Variants in KIT observed in about 807,000 individuals in gnomAD.
The protein encoded by KIT is mast/stem cell growth factor receptor Kit.
A neutral mutation model predicts 105.7 loss-of-function variants in KIT; 16 were observed. The ratio of observed to expected loss-of-function variants is 0.15; its 90% CI spans 0.10 to 0.23. The LOEUF (loss-of-function observed/expected upper bound fraction) is 0.23. KIT is among the 10% of genes least tolerant of loss of function. The pLI, the probability that KIT is intolerant of heterozygous loss-of-function variation, is 1.00. For synonymous variants in KIT, 438 were observed against 441.1 expected (o/e 0.99, Z 0.09); for missense variants, 858 against 1,213.8 (o/e 0.71, Z 4.36).
At chr4:54,677,337 G>T (rs1348358066) in intron 1 of KIT, among the ~76,000 whole-genome samples, 2 of 151,884 alleles carry the variant, frequency 1.3e-5, no homozygotes, top group Non-Finnish European at 2.9e-5. Context: ...CAGGTCCCTG[G>T]CACTGTGGCA....
At chr4:54,731,184 C>T in intron 14 of KIT, 144 bp from the exon 15 acceptor site, 1 of 704,560 alleles carries the variant, frequency 1.4e-6, no homozygotes, top group East Asian at 2.7e-5. Context: ...GATTTTCAAA[C>T]TCTTTATTCA....
intron 7 of KIT, among the ~76,000 whole-genome samples, chr4:54,718,091 T>TTTTTG (rs953523765): frequency 1.3e-5 from 2 of 152,134 alleles, no homozygotes; most frequent in Non-Finnish European, 2.9e-5. Flanking sequence ...CTGTAGCCTG[T>TTTTTG]TTTTGTTTTG....
chr4:54,709,341 G>T, intron 6 of KIT, 83 bp from the exon 7 acceptor site: 1 of 881,516 alleles, frequency 1.1e-6, no homozygotes, highest in East Asian at 2.4e-5. Flanking sequence ...AACAGGCATA[G>T]ATTTCCAGGT....
At chr4:54,685,271 A>G (rs1380356174) in intron 1 of KIT, among the ~76,000 whole-genome samples, 1 of 151,850 alleles carries the variant, frequency 6.6e-6, no homozygotes, top group Non-Finnish European at 1.5e-5. Flanking sequence ...GATATACCCC[A>G]CCTCCTGCCT....
chr4:54,682,682 G>A (rs1719023489), intron 1 of KIT, among the ~76,000 whole-genome samples: 1 of 151,406 alleles, frequency 6.6e-6, no homozygotes, highest in South Asian at 2.1e-4. Context: ...CATCTGCCTC[G>A]GCCTCCCAAA....
intron 19 of KIT, 93 bp from the exon 20 acceptor site, chr4:54,737,079 AGCC>A: frequency 1.2e-6 from 1 of 816,936 alleles, no homozygotes; most frequent in Non-Finnish European, 2.2e-6. Context: ...CCAGTTGCAT[AGCC>A]CTGGAATTAT....
chr4:54,689,380 A>C (rs1297248842), intron 1 of KIT, among the ~76,000 whole-genome samples: 2 of 152,210 alleles, frequency 1.3e-5, no homozygotes, highest in Non-Finnish European at 2.9e-5. Context: ...TACACTAGAG[A>C]AGAACTTAAT....
At chr4:54,662,025 C>T (rs551805512) in intron 1 of KIT, among the ~76,000 whole-genome samples, 15 of 152,256 alleles carry the variant, frequency 9.9e-5, no homozygotes, top group African/African-American at 3.1e-4. Flanking sequence ...AACATTGAGG[C>T]GATATTAAAC....
At chr4:54,733,477 T>A in intron 17 of KIT, 2 of 346,524 alleles carry the variant, frequency 5.8e-6, no homozygotes, top group Non-Finnish European at 1.1e-5. Context: ...AGCAATGAAC[T>A]TGATTTTGCT....
rs2109796270 is a variant in KIT at position 54,732,010 on chromosome 4, T to A, written c.2361+12T>A. 6.2e-7 allele frequency: 1 copy of A among 1,612,372 alleles called. No homozygotes were observed. Among genetic ancestry groups the A allele is most frequent in the Non-Finnish European group, 8.5e-7 (1 of 1,179,336 alleles). ...TCGCCTCCAAGAATGTAAGTGGGAGTGATTCTCTAAAGAGTTTTGTGTTTT... is the reference window on the plus strand; with the variant it reads ...TCGCCTCCAAGAATGTAAGTGGGAGAGATTCTCTAAAGAGTTTTGTGTTTT... On this transcript the variant is annotated intron_variant, in intron 16 of 20. Coordinates refer to ENST00000288135, the MANE Select transcript of KIT (RefSeq NM_000222.3).
intron 7 of KIT, among the ~76,000 whole-genome samples, chr4:54,719,184 A>G (rs1001661999): frequency 2.6e-5 from 4 of 152,198 alleles, no homozygotes; most frequent in African/African-American, 9.7e-5. Flanking sequence ...ATGTGCATTT[A>G]TAGCGGAAGT....
At chr4:54,679,613 T>C (rs762560698) in intron 1 of KIT, among the ~76,000 whole-genome samples, 7 of 152,122 alleles carry the variant, frequency 4.6e-5, no homozygotes, top group Admixed American at 6.5e-5. Flanking sequence ...ACTAGCAAAA[T>C]GTACTGATTT....
At chr4:54,662,697 T>C (rs191386211) in intron 1 of KIT, among the ~76,000 whole-genome samples, 2,668 of 152,108 alleles carry the variant, frequency 0.018, 77 homozygotes, top group African/African-American at 0.061. Flanking sequence ...CTCAGCCTCC[T>C]GAGTAGCTGG....
At chr4:54,667,383 C>T (rs1020644531) in intron 1 of KIT, among the ~76,000 whole-genome samples, 20 of 152,098 alleles carry the variant, frequency 1.3e-4, no homozygotes, top group African/African-American at 4.8e-4. Context: ...CTTTAAGGAT[C>T]CTAGGACCTA....
Position 54,740,361 on chromosome 4 carries a change from A to G in KIT, c.*1804A>G, listed in dbSNP as rs1224064396. On this transcript the variant is annotated 3_prime_UTR_variant, in exon 21 of 21. Transcript: ENST00000288135. Reference sequence around the variant, plus strand: ...ATAGTAAGAAAAGTGGTTGTTAGTTATAGATGTCTAGGTACTTCAGGGGCA... The same window carrying G: ...ATAGTAAGAAAAGTGGTTGTTAGTTGTAGATGTCTAGGTACTTCAGGGGCA... 4.3e-6 allele frequency: 1 copy of G among 233,436 alleles called. No individual in the cohort carries two copies. The highest frequency in any genetic ancestry group is 8.5e-6 in the Non-Finnish European group (1 of 117,980). The allele number at this position is 233,436 out of a possible 1,614,324, so 14.5% of individuals were successfully genotyped here.
At chr4:54,690,160 G>A (rs1010913439) in intron 1 of KIT, among the ~76,000 whole-genome samples, 11 of 151,902 alleles carry the variant, frequency 7.2e-5, no homozygotes, top group African/African-American at 2.7e-4. Context: ...CCACATTTGG[G>A]TTGTTTACAC....
chr4:54,695,235 A>G (rs925024997), intron 1 of KIT, among the ~76,000 whole-genome samples: 14 of 152,146 alleles, frequency 9.2e-5, no homozygotes, highest in African/African-American at 2.7e-4. Context: ...ACTTGACCCA[A>G]TTGTATGTTT....
chr4:54,693,426 A>G (rs1003990084), intron 1 of KIT, among the ~76,000 whole-genome samples: 3 of 152,206 alleles, frequency 2.0e-5, no homozygotes, highest in South Asian at 2.1e-4. Context: ...TTTAAGATCA[A>G]TGCTTGGTTG....
rs889840237 is a variant in KIT, at chr4:54,698,872, T to A, written c.619+307T>A. 2.0e-5 allele frequency among the ~76,000 whole-genome samples: 3 copies of A among 152,158 alleles called. No individual in the cohort carries two copies. The East Asian group carries it at 5.8e-4, about 29-fold the overall frequency. On this transcript the variant is annotated intron_variant, in intron 3 of 20. Transcript: ENST00000288135. ...AAGTACTCGTTCTAAGGGAAACCCA[T>A]TGGGTAGCTTGAATTATGTTGGTTG...
Sources: gnomAD v4.1 joint callset for allele counts (sites outside exome capture counted in the v4.1 genomes callset) on GRCh38, gnomAD v4.1.1 for gene constraint, MANE v1.5 for transcripts, NCBI Gene and HGNC (gene_info 2026-07-23, HGNC 2026-07-21) for gene names.